Variants in GCNT1 observed in about 807,000 individuals in gnomAD.
The protein encoded by GCNT1 is beta-1,3-galactosyl-O-glycosyl-glycoprotein beta-1,6-N-acetylglucosaminyltransferase.
In GCNT1, 16 loss-of-function variants were observed where a neutral mutation model predicts 26.2. That is an observed-to-expected ratio of 0.61 (90% CI 0.41 to 0.93). The LOEUF (loss-of-function observed/expected upper bound fraction) is 0.93. Among genes scored for constraint, GCNT1 ranks in the 40% least tolerant of loss-of-function variants. GCNT1 has a pLI of 0.00. For synonymous variants in GCNT1, 183 were observed against 190.8 expected, an observed-to-expected ratio of 0.96 and a Z score of 0.34; for missense variants, 477 against 526.7, an observed-to-expected ratio of 0.91 and a Z score of 0.92.
intron 2 of GCNT1, among the ~76,000 whole-genome samples, chr9:76,497,989 C>T (rs2131639228): frequency 6.6e-6 from 1 of 152,270 alleles, no homozygotes; most frequent in South Asian, 2.1e-4. Flanking sequence ...CATTCATTGC[C>T]ATTCCCCCAT....
rs201262371 is a variant in GCNT1, at chr9:76,443,930, AAAGGAAGGAAGGAAGG to A, written c.-290+1663_-290+1678del. 9.1e-3 allele frequency among the ~76,000 whole-genome samples: 705 copies of A among 77,854 alleles called. 6 individuals carry two copies. Among genetic ancestry groups the A allele is most frequent in the African/African-American group, 0.015 (296 of 19,644 alleles). 51.1% of individuals were successfully genotyped at this position (77,854 alleles called of 152,430 possible). On this transcript the variant is annotated intron_variant, in intron 1 of 2. Transcript: ENST00000442371. ...GAAAGGAAGAAAGGAAGAAAGGAAG[AAAGGAAGGAAGGAAGG>A]AAGGAAGGAAGGAAGGAAGGAAGGA... is the stretch of plus-strand genomic sequence containing the variant.
chr9:76,395,536 A>G, the GCNT1 span, among the ~76,000 whole-genome samples: 3 of 152,004 alleles, frequency 2.0e-5, no homozygotes, highest in Non-Finnish European at 4.4e-5. Flanking sequence ...GCACTGAGCT[A>G]TGATAACGCC....
At chr9:76,472,401 G>T (rs1413266490) in intron 2 of GCNT1, among the ~76,000 whole-genome samples, 1 of 152,206 alleles carries the variant, frequency 6.6e-6, no homozygotes, top group African/African-American at 2.4e-5. Context: ...ATTGAGTGAA[G>T]GGAATGCAGT....
intron 1 of GCNT1, among the ~76,000 whole-genome samples, chr9:76,448,890 G>A (rs1823618719): frequency 6.6e-6 from 1 of 152,056 alleles, no homozygotes; most frequent in Admixed American, 6.6e-5. Context: ...TGTTTTTGCT[G>A]GTAAACACCC....
chr9:76,487,527 G>C (rs975189648), intron 2 of GCNT1, among the ~76,000 whole-genome samples: 6 of 152,212 alleles, frequency 3.9e-5, no homozygotes, highest in Non-Finnish European at 7.3e-5. Context: ...ATGCTTACGT[G>C]CATATGTAGG....
Position 76,503,200 on chromosome 9 carries a change from A to C in GCNT1, c.819A>C (p.Lys273Asn). 2 of 1,614,144 alleles carry C rather than the reference A, an allele frequency of 1.2e-6. No individual in the cohort carries two copies. Among genetic ancestry groups the C allele is most frequent in the Non-Finnish European group, 1.7e-6 (2 of 1,180,024 alleles). ...AGCTGACAAACACAGGGACTGTCAAAATGCTTCCTCCACTCGAAACACCTC... is the reference window on the plus strand; with the variant it reads ...AGCTGACAAACACAGGGACTGTCAACATGCTTCCTCCACTCGAAACACCTC... ...NGKLTNTGTVKMLPPLETPLF... is the reference protein window; with the variant it reads ...NGKLTNTGTVNMLPPLETPLF... Residue 273 changes from lysine (K) to asparagine (N), a missense_variant, in exon 4 of 4, where the codon AAA becomes AAC. Transcript: ENST00000376730.
chr9:76,452,595 AGGG>A (rs1049882267), intron 1 of GCNT1, among the ~76,000 whole-genome samples: 9 of 152,104 alleles, frequency 5.9e-5, no homozygotes, highest in African/African-American at 2.2e-4. Flanking sequence ...CGGCTGGAGC[AGGG>A]GGAGGAGAGG....
chr9:76,423,797 A>G (rs1405540559), intron 1 of GCNT1, among the ~76,000 whole-genome samples: 1 of 152,260 alleles, frequency 6.6e-6, no homozygotes, highest in African/African-American at 2.4e-5. Flanking sequence ...TAATGCCATC[A>G]TTAAAATTTC....
intron 1 of GCNT1, among the ~76,000 whole-genome samples, chr9:76,443,903 AAGAAAGGAAGAAAGG>A (rs2131583027): frequency 1.9e-5 from 1 of 53,524 alleles, no homozygotes; most frequent in Non-Finnish European, 4.2e-5. Flanking sequence ...GAAAGAAAGG[AAGAAAGGAAGAAAGG>A]AAGAAAGGAA....
At chr9:76,443,875 AG>A (rs111628932) in intron 1 of GCNT1, among the ~76,000 whole-genome samples, 39,865 of 139,806 alleles carry the variant, frequency 0.29, 6,086 homozygotes, top group Non-Finnish European at 0.32. Context: ...GTCTAAAAAA[AG>A]GAAAGAAAGA....
intron 1 of GCNT1, among the ~76,000 whole-genome samples, chr9:76,449,030 A>G (rs764753846): frequency 4.9e-4 from 75 of 152,332 alleles, no homozygotes; most frequent in Non-Finnish European, 7.5e-4. Context: ...GAAAGGGATC[A>G]GAATATGCCA....
chr9:76,499,050 AT>A (rs34354937), intron 2 of GCNT1, among the ~76,000 whole-genome samples: 4 of 150,640 alleles, frequency 2.7e-5, no homozygotes, highest in Non-Finnish European at 5.9e-5. Flanking sequence ...GCTAGTGATA[AT>A]TTTTTTTTTA....
the GCNT1 span, among the ~76,000 whole-genome samples, chr9:76,408,824 A>C: frequency 1.3e-5 from 2 of 152,024 alleles, no homozygotes; most frequent in Non-Finnish European, 2.9e-5. Flanking sequence ...AGTAGCTGGG[A>C]TTACAGGAGT....
intron 1 of GCNT1, among the ~76,000 whole-genome samples, chr9:76,449,462 T>G (rs950597526): frequency 1.3e-5 from 2 of 152,224 alleles, no homozygotes; most frequent in Non-Finnish European, 2.9e-5. Context: ...CCTCTCTCTT[T>G]CTACCTACAA....
intron 1 of GCNT1, among the ~76,000 whole-genome samples, chr9:76,446,854 A>C (rs138700720): frequency 1.3e-5 from 2 of 152,174 alleles, no homozygotes; most frequent in Admixed American, 1.3e-4. Context: ...TTAGAGGTAC[A>C]TACTAAAGAG....
chr9:76,443,902 G>A (rs140988146), intron 1 of GCNT1, among the ~76,000 whole-genome samples: 20,201 of 63,588 alleles, frequency 0.32, 1,789 homozygotes, highest in South Asian at 0.35. Flanking sequence ...AGAAAGAAAG[G>A]AAGAAAGGAA....
chr9:76,489,671 A>G (rs567544088), intron 2 of GCNT1, among the ~76,000 whole-genome samples: 1 of 152,262 alleles, frequency 6.6e-6, no homozygotes, highest in Non-Finnish European at 1.5e-5. Flanking sequence ...TGTTTTTACA[A>G]TCCTCTAGCT....
rs1042534603 is a variant in GCNT1, at chr9:76,433,607, T to C, written n.38+13720T>C. On this transcript the variant is annotated intron_variant and non_coding_transcript_variant, in intron 1 of 3. Transcript: ENST00000488136. ...ACACCCCCTCCTGCCAGGGGCTGAG[T>C]GCTGCAGTCGCGGTGGCCACAGGAT... Among the ~76,000 whole-genome samples, 10 of 152,240 alleles carry C rather than the reference T, an allele frequency of 6.6e-5. No individual in the cohort carries two copies. The South Asian group carries it at 1.2e-3, about 19-fold the overall frequency.
In GCNT1 at chr9:76,464,801, A is replaced by G. The variant is rs148073690; in HGVS notation, c.-290+4624A>G. Among the ~76,000 whole-genome samples, 459 of 152,262 alleles carry G rather than the reference A, an allele frequency of 3.0e-3. 2 individuals carry two copies. Among genetic ancestry groups the G allele is most frequent in the African/African-American group, 0.01 (421 of 41,564 alleles). ...AAAATTGAATATACTTCTTTAGTTC[A>G]TCTCTCTCACATTTTCTCAAAGGCA... On this transcript the variant is annotated intron_variant, in intron 2 of 3. Transcript: ENST00000376730.
Sources: gnomAD v4.1 joint callset for allele counts (sites outside exome capture counted in the v4.1 genomes callset) on GRCh38, gnomAD v4.1.1 for gene constraint, MANE v1.5 for transcripts, NCBI Gene and HGNC (gene_info 2026-07-23, HGNC 2026-07-21) for gene names.